RSPH14: variants seen among roughly 807,000 people sequenced by gnomAD.
RSPH14 encodes rhabdoid tumor deletion region gene 1.
A neutral mutation model predicts 26.7 loss-of-function variants in RSPH14; 20 were observed. The ratio of observed to expected loss-of-function variants is 0.75; its 90% CI spans 0.53 to 1.09. The LOEUF is 1.09. Among genes scored for constraint, RSPH14 ranks in the 50% least tolerant of loss-of-function variants. The pLI, the probability that RSPH14 is intolerant of heterozygous loss-of-function variation, is 0.00. For synonymous variants in RSPH14, 177 were observed against 189.3 expected (o/e 0.93, Z 0.53); for missense variants, 449 against 457.2 (o/e 0.98, Z 0.16).
rs200643513 is a variant in RSPH14, at chr22:23,138,957, A to C, written c.200-15T>G. The stretch of plus-strand genomic sequence containing the variant: ...CTCCATACAGCCTAGAAAAAAAAAA[A>C]AAAACAAACAAACCAACCCTTGAAT... On this transcript the variant is annotated splice_polypyrimidine_tract_variant and intron_variant, in intron 2 of 6. Coordinates refer to ENST00000216036, the MANE Select transcript of RSPH14 (RefSeq NM_014433.3). The C allele has an allele frequency of 1.6e-5, 25 of 1,530,840 alleles. No homozygotes were observed. In the East Asian group the frequency reaches 4.7e-4, roughly 28 times the overall value. The allele number at this position is 1,530,840 out of a possible 1,614,324, so 94.8% of individuals were successfully genotyped here.
the RSPH14 span, chr22:23,159,290 G>A: frequency 6.5e-7 from 1 of 1,542,648 alleles, no homozygotes; most frequent in Non-Finnish European, 8.8e-7. Flanking sequence ...GTGGGGCAGA[G>A]CCCTGCTCTT....
At chr22:23,129,038 C>T (rs1056653401) in intron 4 of RSPH14, among the ~76,000 whole-genome samples, 1 of 152,156 alleles carries the variant, frequency 6.6e-6, no homozygotes, top group Middle Eastern at 3.2e-3. Context: ...CCCACGTTCC[C>T]ACAGGTGATG....
intron 4 of RSPH14, among the ~76,000 whole-genome samples, chr22:23,121,842 C>G (rs1434419365): frequency 6.6e-6 from 1 of 151,982 alleles, no homozygotes; most frequent in Non-Finnish European, 1.5e-5. Flanking sequence ...CTGCCCCAGC[C>G]TCCCAAGGAG....
the RSPH14 span, chr22:23,150,222 A>G: frequency 1.6e-6 from 2 of 1,262,224 alleles, no homozygotes; most frequent in South Asian, 2.5e-5. Context: ...AGCACGTGAA[A>G]GAATGAACAA....
At chr22:23,177,011 T>C in the RSPH14 span, among the ~76,000 whole-genome samples, 2,362 of 152,338 alleles carry the variant, frequency 0.016, 57 homozygotes, top group African/African-American at 0.055. Context: ...ACTGGCAAGT[T>C]CTATCGGACA....
intron 4 of RSPH14, among the ~76,000 whole-genome samples, chr22:23,076,936 G>T (rs2068520745): frequency 6.6e-6 from 1 of 152,182 alleles, no homozygotes; most frequent in South Asian, 2.1e-4. Flanking sequence ...CACTCTCTGG[G>T]CCTTCCTTGC....
intron 4 of RSPH14, among the ~76,000 whole-genome samples, chr22:23,117,565 G>A (rs571490560): frequency 5.9e-5 from 9 of 152,362 alleles, no homozygotes; most frequent in East Asian, 3.9e-4. Context: ...CCTCGCAGGT[G>A]AGAGGACGTC....
intron 4 of RSPH14, among the ~76,000 whole-genome samples, chr22:23,111,400 C>T (rs975536038): frequency 6.6e-6 from 1 of 152,180 alleles, no homozygotes; most frequent in African/African-American, 2.4e-5. Context: ...CAAAGAGGCC[C>T]AGAAAAGTCT....
Position 23,093,691 on chromosome 22 carries a change from G to A in RSPH14, c.422-29558C>T, listed in dbSNP as rs192177375. On this transcript the variant is annotated intron_variant, in intron 4 of 6. Transcript: ENST00000216036. Reference sequence around the variant, plus strand: ...ACAGGCTCTGAGATGGGAGTAAGTCGCCAGAGGCCACACAACCTGGGAGAG... The same window carrying A: ...ACAGGCTCTGAGATGGGAGTAAGTCACCAGAGGCCACACAACCTGGGAGAG... 7.9e-4 allele frequency among the ~76,000 whole-genome samples: 121 copies of A among 152,304 alleles called. 1 individual carries two copies. Among genetic ancestry groups the A allele is most frequent in the East Asian group, 1.9e-4 (1 of 5,174 alleles).
intron 4 of RSPH14, among the ~76,000 whole-genome samples, chr22:23,078,692 T>A (rs2068580135): frequency 6.6e-6 from 1 of 152,186 alleles, no homozygotes; most frequent in Admixed American, 6.5e-5. Context: ...TTTGGGGGAT[T>A]ATCCCCATCA....
At chr22:23,175,199 C>T in the RSPH14 span, among the ~76,000 whole-genome samples, 6 of 152,030 alleles carry the variant, frequency 3.9e-5, no homozygotes, top group Non-Finnish European at 7.4e-5. Context: ...GGGGTTTCAC[C>T]GTGTTAGCCA....
intron 4 of RSPH14, among the ~76,000 whole-genome samples, chr22:23,077,444 A>G (rs1297701124): frequency 6.6e-6 from 1 of 152,180 alleles, no homozygotes; most frequent in Non-Finnish European, 1.5e-5. Context: ...CAACCACTCT[A>G]CAAGGCCGGG....
At position 23,071,898 on chromosome 22, in the gene RSPH14, G is replaced by A. The variant is rs975553344; in HGVS notation, c.422-7765C>T. Among the ~76,000 whole-genome samples the A allele has an allele frequency of 7.2e-5, 11 of 152,212 alleles. No homozygotes were observed. The highest frequency in any genetic ancestry group is 6.5e-4 in the Admixed American group (10 of 15,284). On this transcript the variant is annotated intron_variant, in intron 4 of 6. Transcript: ENST00000216036. The surrounding 1 kb of genome is among the most constrained non-coding windows in gnomAD (Gnocchi z 4.1). ...TGATGGGAGCACTTAGCATGCCTGG[G>A]GAGTAGGAGGAGGTATGGCGGGAAA...
intron 4 of RSPH14, among the ~76,000 whole-genome samples, chr22:23,081,048 A>G (rs923324679): frequency 3.9e-5 from 6 of 152,198 alleles, no homozygotes; most frequent in Admixed American, 1.3e-4. Context: ...AGCCTGGAAT[A>G]CTGTGTAAAC....
chr22:23,122,777 G>A (rs914368452), intron 4 of RSPH14: 2 of 403,488 alleles, frequency 5.0e-6, no homozygotes, highest in East Asian at 8.2e-5. Context: ...CGGTTTAGGA[G>A]GCTGTGCTTG....
intron 4 of RSPH14, among the ~76,000 whole-genome samples, chr22:23,114,762 G>C (rs574478298): frequency 1.5e-3 from 221 of 152,304 alleles, no homozygotes; most frequent in African/African-American, 5.0e-3. Flanking sequence ...AGGAGGTTGG[G>C]CCTGCATTGG....
intron 4 of RSPH14, chr22:23,096,389 G>A: frequency 3.7e-6 from 6 of 1,611,068 alleles, no homozygotes; most frequent in South Asian, 1.1e-5. Flanking sequence ...CAGCGGCTAC[G>A]ACCTGAAACT....
At chr22:23,175,422 C>T in the RSPH14 span, among the ~76,000 whole-genome samples, 1 of 152,302 alleles carries the variant, frequency 6.6e-6, no homozygotes, top group South Asian at 2.1e-4. Flanking sequence ...CCCCTCACTG[C>T]AACCTCCGCC....
chr22:23,169,702 G>A, the RSPH14 span, among the ~76,000 whole-genome samples: 2 of 152,264 alleles, frequency 1.3e-5, no homozygotes, highest in East Asian at 3.9e-4. Flanking sequence ...CTCAGTTCCA[G>A]GCTGGCCCCC....
Sources: allele counts gnomAD v4.1 joint callset (sites outside exome capture counted in the v4.1 genomes callset), GRCh38; gene constraint gnomAD v4.1.1; non-coding constraint Gnocchi (gnomAD v3.1); transcripts MANE v1.5; gene names NCBI Gene and HGNC (gene_info 2026-07-23, HGNC 2026-07-21).